The following STOX2 variants were observed in gnomAD, a reference collection of about 807,000 sequenced individuals.
STOX2 encodes storkhead-box protein 2.
STOX2 carries 28 observed loss-of-function variants against 60.9 expected under a neutral mutation model. That is an observed-to-expected ratio of 0.46 (90% confidence interval 0.34 to 0.63). The LOEUF (loss-of-function observed/expected upper bound fraction) is 0.63, where lower values mean the gene tolerates loss of function less well. STOX2 is among the 30% of genes least tolerant of loss of function. The pLI is 0.01. For missense variants in STOX2, 1,024 were observed against 1,187.7 expected (o/e 0.86, Z 2.03); for synonymous variants, 472 against 463.9 (o/e 1.02, Z -0.22).
intron 2 of STOX2, among the ~76,000 whole-genome samples, chr4:184,005,043 G>A (rs756692785): frequency 8.5e-5 from 13 of 152,186 alleles, no homozygotes; most frequent in African/African-American, 2.4e-4. Flanking sequence ...TTCAGCCAGC[G>A]TTCTTCACAA....
intron 1 of STOX2, among the ~76,000 whole-genome samples, chr4:183,986,831 C>T (rs1165432837): frequency 6.6e-6 from 1 of 152,154 alleles, no homozygotes; most frequent in African/African-American, 2.4e-5. Context: ...GCTGAATCAC[C>T]GGAGTCAGGA....
At chr4:183,934,767 C>G (rs1402590552) in intron 1 of STOX2, among the ~76,000 whole-genome samples, 1 of 152,132 alleles carries the variant, frequency 6.6e-6, no homozygotes, top group Non-Finnish European at 1.5e-5. Flanking sequence ...CAATATGCAT[C>G]TTAATTGTAA....
chr4:184,003,168 C>T (rs1051020735), intron 2 of STOX2, among the ~76,000 whole-genome samples: 2 of 152,212 alleles, frequency 1.3e-5, no homozygotes, highest in African/African-American at 4.8e-5. Flanking sequence ...CCTATGAGTG[C>T]GTAGCCACTT....
intron 1 of STOX2, among the ~76,000 whole-genome samples, chr4:183,986,140 A>G (rs973752926): frequency 1.3e-5 from 2 of 152,246 alleles, no homozygotes; most frequent in Non-Finnish European, 2.9e-5. Context: ...GAAAGAAAAA[A>G]AAAACAAATA....
Position 183,806,422 on chromosome 4 carries a change from G to A in STOX2, c.364+8367G>A, listed in dbSNP as rs941972892. Among the ~76,000 whole-genome samples, 8 of 152,124 alleles carry A rather than the reference G, an allele frequency of 5.3e-5. No individual in the cohort carries two copies. The highest frequency in any genetic ancestry group is 1.0e-4 in the Non-Finnish European group (7 of 68,040). On this transcript the variant is annotated intron_variant, in intron 1 of 2. Transcript: ENST00000513034. This position sits in a 1 kb window ranked among gnomAD's most constrained non-coding sequence, Gnocchi z 4.1. ...GAATCCGGGAGTCCCTGGAGCTCACGGAGGGCTTCCTGGTGTCTTGAAGGG... is the reference window on the plus strand; with the variant it reads ...GAATCCGGGAGTCCCTGGAGCTCACAGAGGGCTTCCTGGTGTCTTGAAGGG...
intron 1 of STOX2, among the ~76,000 whole-genome samples, chr4:183,931,411 A>T (rs113525833): frequency 2.1e-3 from 315 of 152,164 alleles, no homozygotes; most frequent in African/African-American, 7.4e-3. Context: ...GCGACAGAGT[A>T]AGACTTCTTC....
chr4:183,951,669 G>A (rs1282010871), intron 1 of STOX2, among the ~76,000 whole-genome samples: 1 of 151,982 alleles, frequency 6.6e-6, no homozygotes, highest in Non-Finnish European at 1.5e-5. Context: ...GTCGGGTGCG[G>A]TGGCTCACGC....
chr4:183,835,436 G>C (rs1387613959), intron 1 of STOX2, among the ~76,000 whole-genome samples: 7 of 152,126 alleles, frequency 4.6e-5, no homozygotes, highest in Admixed American at 4.6e-4. Context: ...ATGTTAGCCA[G>C]GATGGTCTTG....
In STOX2 at chr4:183,906,714, C is replaced by A; in HGVS notation, c.-77C>A. On this transcript the variant is annotated 5_prime_UTR_variant, in exon 1 of 4. Transcript: ENST00000308497. ...CAGAGTCCGCCCGGGTCGTGCCCGCCGTAGACGGATGAAGGAGCGCGCTGC... is the reference window on the plus strand; with the variant it reads ...CAGAGTCCGCCCGGGTCGTGCCCGCAGTAGACGGATGAAGGAGCGCGCTGC... 2 of 1,398,308 alleles carry A rather than the reference C, an allele frequency of 1.4e-6. No individual in the cohort carries two copies. The highest frequency in any genetic ancestry group is 1.9e-6 in the Non-Finnish European group (2 of 1,056,830). The allele number at this position is 1,398,308 out of a possible 1,614,324, so 86.6% of individuals were successfully genotyped here. A position where few individuals can be genotyped will look rare whatever the true frequency, so the allele number is the denominator to read the frequency against.
intron 1 of STOX2, among the ~76,000 whole-genome samples, chr4:183,991,620 G>A (rs1430625685): frequency 2.0e-5 from 3 of 151,928 alleles, no homozygotes; most frequent in African/African-American, 7.3e-5. Context: ...GTAGTGATGG[G>A]GTTTCTCCAT....
chr4:183,958,211 G>C (rs140559207), intron 1 of STOX2, among the ~76,000 whole-genome samples: 22 of 152,270 alleles, frequency 1.4e-4, no homozygotes, highest in Admixed American at 1.3e-3. Flanking sequence ...ACCCAAGATC[G>C]TGAATGCTAT....
upstream of STOX2, among the ~76,000 whole-genome samples, chr4:183,900,783 C>T (rs137955837): frequency 3.0e-4 from 46 of 151,964 alleles, no homozygotes; most frequent in East Asian, 1.7e-3. Context: ...AACAATTAGC[C>T]CTACTTAGAA....
chr4:184,007,037 A>C (rs146324113), intron 2 of STOX2, among the ~76,000 whole-genome samples: 2 of 78,110 alleles, frequency 2.6e-5, no homozygotes, highest in South Asian at 4.8e-4. Context: ...AAAAAACAAA[A>C]CAAAAAAAAA....
In STOX2 at chr4:183,935,459, T is replaced by G. The variant is rs1436496560; in HGVS notation, c.166+28503T>G. ...AGAGAATTATAAGGGTGAATAAGTC[T>G]ATCTGCTTATTCCAGAAAGAGTCAA... is the stretch of plus-strand genomic sequence containing the variant. On this transcript the variant is annotated intron_variant, in intron 1 of 3. Coordinates refer to ENST00000308497, the MANE Select transcript of STOX2 (RefSeq NM_020225.3). Among the ~76,000 whole-genome samples the G allele has an allele frequency of 8.5e-5, 13 of 152,360 alleles. No homozygotes were observed. The East Asian group carries it at 2.5e-3, about 29-fold the overall frequency.
At chr4:183,859,323 A>T (rs1423372377) in intron 1 of STOX2, among the ~76,000 whole-genome samples, 1 of 152,202 alleles carries the variant, frequency 6.6e-6, no homozygotes, top group Non-Finnish European at 1.5e-5. Context: ...AGATACAGCC[A>T]TGAAAACAGA....
At chr4:183,989,574 G>A (rs1486743318) in intron 1 of STOX2, among the ~76,000 whole-genome samples, 1 of 152,120 alleles carries the variant, frequency 6.6e-6, no homozygotes, top group Non-Finnish European at 1.5e-5. Context: ...TAACCTACAT[G>A]CAATGCACTA....
intron 1 of STOX2, among the ~76,000 whole-genome samples, chr4:183,882,946 C>T (rs1265071029): frequency 6.6e-6 from 1 of 152,142 alleles, no homozygotes; most frequent in East Asian, 1.9e-4. Context: ...GGAAACATTT[C>T]CAAGAAATGC....
At position 183,856,440 on chromosome 4, in the gene STOX2, A is replaced by G. The variant is rs112895873; in HGVS notation, c.364+58385A>G. Among the ~76,000 whole-genome samples the G allele has an allele frequency of 4.3e-3, 650 of 152,344 alleles. 5 individuals carry two copies. Among genetic ancestry groups the G allele is most frequent in the African/African-American group, 0.015 (619 of 41,584 alleles). ...AACACTTAAAGTAGTGTGTGATTCA[A>G]CTTACTTGCTAACCTCGTATTTGAC... is the stretch of plus-strand genomic sequence containing the variant. On this transcript the variant is annotated intron_variant, in intron 1 of 2. Transcript: ENST00000513034. This position sits in a 1 kb window ranked among gnomAD's most constrained non-coding sequence, Gnocchi z 4.0.
At position 183,869,046 on chromosome 4, in the gene STOX2, A is replaced by T. The variant is rs562040163; in HGVS notation, c.364+70991A>T. On this transcript the variant is annotated intron_variant, in intron 1 of 2. Transcript: ENST00000513034. ...GAGAATGAAGCTCTGGGAGATTCAGATTATTTTCTGAAACTTTAAATAATA... is the reference window on the plus strand; with the variant it reads ...GAGAATGAAGCTCTGGGAGATTCAGTTTATTTTCTGAAACTTTAAATAATA... Among the ~76,000 whole-genome samples the T allele has an allele frequency of 2.6e-5, 4 of 152,338 alleles. No individual in the cohort carries two copies. The South Asian group carries it at 8.3e-4, about 32-fold the overall frequency.
Sources: allele counts gnomAD v4.1 joint callset (sites outside exome capture counted in the v4.1 genomes callset), GRCh38; gene constraint gnomAD v4.1.1; non-coding constraint Gnocchi (gnomAD v3.1); transcripts MANE v1.5; gene names NCBI Gene and HGNC (gene_info 2026-07-23, HGNC 2026-07-21).